BRWD3: variants seen among roughly 807,000 people sequenced by gnomAD.
The protein encoded by BRWD3 is bromodomain and WD repeat domain containing 3.
In BRWD3, 10 loss-of-function variants were observed where a neutral mutation model predicts 149.7. The ratio of observed to expected loss-of-function variants is 0.07; its 90% CI spans 0.04 to 0.11. BRWD3 has a LOEUF of 0.11. BRWD3 is among the 10% of genes least tolerant of loss of function. The pLI is 1.00. For missense variants in BRWD3, 940 were observed against 1,373.2 expected, an observed-to-expected ratio of 0.68 and a Z score of 4.99; for synonymous variants, 504 against 456.7, an observed-to-expected ratio of 1.10 and a Z score of -1.32.
Position 80,676,489 on chromosome X carries a change from A to G in BRWD3, c.*120T>C. On this transcript the variant is annotated 3_prime_UTR_variant, in exon 41 of 41. Transcript: ENST00000373275. ...AACAAATGTATACTGGCATAAATGG[A>G]AAAGCACCAATGTGAAAGGAAGCAG... is the stretch of plus-strand genomic sequence containing the variant. The G allele has an allele frequency of 3.4e-6, 3 of 894,626 alleles. No homozygotes were observed. The highest frequency in any genetic ancestry group is 4.7e-6 in the Non-Finnish European group (3 of 635,448). The allele number at this position is 894,626 out of a possible 1,213,427, so 73.7% of individuals were successfully genotyped here.
At chrX:80,740,331 T>C (rs1054370471) in intron 8 of BRWD3, among the ~76,000 whole-genome samples, 7 of 112,423 alleles carry the variant, frequency 6.2e-5, no homozygotes, top group Admixed American at 9.5e-5. Context: ...CAAAAGCTCA[T>C]CTTCATTAGT....
At chrX:80,767,383 T>C (rs1267826581) in intron 6 of BRWD3, among the ~76,000 whole-genome samples, 2 of 111,726 alleles carry the variant, frequency 1.8e-5, no homozygotes, top group African/African-American at 6.5e-5. Context: ...TTTGCTGTTC[T>C]GCAGCCTCCA....
chrX:80,678,763 G>A (rs149496574), intron 40 of BRWD3, among the ~76,000 whole-genome samples: 59 of 111,524 alleles, frequency 5.3e-4, no homozygotes, highest in African/African-American at 1.8e-3. Context: ...AAGAAGACTA[G>A]GGCTGTAGAT....
At chrX:80,699,744 T>C (rs184183704) in intron 25 of BRWD3, among the ~76,000 whole-genome samples, 47 of 111,923 alleles carry the variant, frequency 4.2e-4, no homozygotes, top group African/African-American at 1.5e-3. Flanking sequence ...TGGACTAGTA[T>C]AGACTAGACA....
At chrX:80,779,087 G>T (rs893915810) in intron 6 of BRWD3, among the ~76,000 whole-genome samples, 7 of 111,515 alleles carry the variant, frequency 6.3e-5, no homozygotes, top group African/African-American at 2.3e-4. Flanking sequence ...GCCGAGGCAG[G>T]TGAATCAACT....
chrX:80,724,899 T>C, intron 15 of BRWD3, 34 bp downstream of exon 15: 1 of 1,206,931 alleles, frequency 8.3e-7, no homozygotes, highest in Non-Finnish European at 1.1e-6. Context: ...AAGTTGGTTT[T>C]AATGTGAACT....
intron 6 of BRWD3, among the ~76,000 whole-genome samples, chrX:80,776,494 T>G (rs1001043084): frequency 2.7e-5 from 3 of 111,820 alleles, no homozygotes; most frequent in African/African-American, 9.7e-5. Flanking sequence ...TTTTGAAACA[T>G]TTATAAGACT....
rs1489526003 is a variant in BRWD3, at chrX:80,809,701, G to T, written c.-230C>A. 4.5e-4 allele frequency: 166 copies of T among 370,111 alleles called. No homozygotes were observed. The highest frequency in any genetic ancestry group is 4.1e-5 in the Non-Finnish European group (9 of 220,765). 30.5% of individuals were successfully genotyped at this position (370,111 alleles called of 1,213,427 possible). A position where few individuals can be genotyped will look rare whatever the true frequency, so the allele number is the denominator to read the frequency against. ...GGAGGAAGGAGAGGAGAGGGAGAGG[G>T]AGAGAGAGAGTGAGTGAGTGAGAGA... On this transcript the variant is annotated 5_prime_UTR_variant, in exon 1 of 41. Transcript: ENST00000373275.
chrX:80,686,300 A>T (rs1196006222), intron 35 of BRWD3, among the ~76,000 whole-genome samples: 2 of 108,379 alleles, frequency 1.8e-5, no homozygotes, highest in Non-Finnish European at 3.8e-5. Flanking sequence ...GCATTAGGAG[A>T]TATACCTAAT....
At chrX:80,684,354 T>C (rs939854004) in intron 36 of BRWD3, among the ~76,000 whole-genome samples, 192 bp from the exon 37 acceptor site, 1 of 111,721 alleles carries the variant, frequency 9.0e-6, no homozygotes, top group Non-Finnish European at 1.9e-5. Context: ...GGGAAAGCCT[T>C]AGCCCTCACA....
rs1436026214 is a variant in BRWD3, at chrX:80,686,925, G to A, written c.3943C>T (p.Leu1315Phe). ...TCCGAGTCTTCACGTTCATAAATGA[G>A]GCTCAATAGTTCCTTGCATTGTTTT... ...WKKQCKELLS[L>F]IYEREDSEPF... Residue 1315 changes from leucine (L) to phenylalanine (F), a missense_variant, in exon 35 of 41, where the codon CTC becomes TTC. Around this residue, in one of 6 missense-constraint regions of BRWD3, gnomAD observed 349 missense variants for 419.6 expected, o/e 0.83. Transcript: ENST00000373275. The A allele has an allele frequency of 8.3e-7, 1 of 1,209,017 alleles. No homozygotes were observed. The highest frequency in any genetic ancestry group is 1.1e-6 in the Non-Finnish European group (1 of 893,638).
In BRWD3 at chrX:80,673,230, CAA is replaced by C. The variant is rs1295953165; in HGVS notation, c.*3377_*3378del. On this transcript the variant is annotated 3_prime_UTR_variant, in exon 41 of 41. Transcript: ENST00000373275. ...TTTGTTACTTTGCATCTGCGGGAAA[CAA>C]AGTATTATAGAGAAGAATTCCAACA... 1 of 109,833 alleles carries C rather than the reference CAA, an allele frequency of 9.1e-6. No homozygotes were observed. Among genetic ancestry groups the C allele is most frequent in the Non-Finnish European group, 1.9e-5 (1 of 52,711 alleles). The allele number at this position is 109,833 out of a possible 1,213,427, so 9.1% of individuals were successfully genotyped here.
chrX:80,721,485 T>G, intron 17 of BRWD3, among the ~76,000 whole-genome samples: 1 of 105,260 alleles, frequency 9.5e-6, no homozygotes, highest in Non-Finnish European at 2.0e-5. Flanking sequence ...CATTCAAGCC[T>G]TAATTCCCTA....
intron 4 of BRWD3, among the ~76,000 whole-genome samples, chrX:80,803,720 T>C (rs968191761): frequency 2.7e-5 from 3 of 112,338 alleles, no homozygotes; most frequent in African/African-American, 9.7e-5. Flanking sequence ...TCTTCCTAAC[T>C]ATGGCTATGT....
intron 20 of BRWD3, chrX:80,710,673 C>A: frequency 2.4e-6 from 2 of 818,474 alleles, no homozygotes; most frequent in Non-Finnish European, 3.6e-6. Flanking sequence ...TGCTGATTAA[C>A]CAGCAGAAAA....
chrX:80,751,196 C>T (rs1359720134), intron 6 of BRWD3, among the ~76,000 whole-genome samples: 1 of 110,876 alleles, frequency 9.0e-6, no homozygotes, highest in Non-Finnish European at 1.9e-5. Context: ...TACATGGTGA[C>T]CACAGTTAAT....
chrX:80,745,782 A>G, intron 6 of BRWD3, 53 bp from the exon 7 acceptor site: 1 of 1,050,337 alleles, frequency 9.5e-7, no homozygotes, highest in Non-Finnish European at 1.3e-6. Context: ...TGATTTCATG[A>G]AATTAAGTCA....
chrX:80,711,918 C>T (rs929794938), intron 20 of BRWD3, among the ~76,000 whole-genome samples: 8 of 111,737 alleles, frequency 7.2e-5, no homozygotes, highest in African/African-American at 2.3e-4. Flanking sequence ...CCATCTTAGG[C>T]ATATGTTCTC....
At chrX:80,802,456 A>AT (rs1260113526) in intron 4 of BRWD3, among the ~76,000 whole-genome samples, 6 of 107,053 alleles carry the variant, frequency 5.6e-5, no homozygotes, top group Non-Finnish European at 9.6e-5. Flanking sequence ...AAAAAAAAAA[A>AT]AAAAAAAAAA....
Sources: allele counts gnomAD v4.1 joint callset (sites outside exome capture counted in the v4.1 genomes callset), GRCh38; gene constraint gnomAD v4.1.1; regional missense constraint gnomAD v4.1.1; transcripts MANE v1.5; gene names NCBI Gene and HGNC (gene_info 2026-07-23, HGNC 2026-07-21).